Variants in GRID1 observed in about 807,000 individuals in gnomAD.
GRID1 encodes glutamate receptor ionotropic, delta-1.
In GRID1, 28 loss-of-function variants were observed where a neutral mutation model predicts 98.0. The ratio of observed to expected loss-of-function variants is 0.29; its 90% CI spans 0.21 to 0.39. The LOEUF is 0.39. GRID1 is among the 10% of genes least tolerant of loss of function. The pLI is 1.00. For missense variants in GRID1, 1,111 were observed against 1,340.5 expected (o/e 0.83, Z 2.67); for synonymous variants, 553 against 538.5 (o/e 1.03, Z -0.37).
chr10:86,033,521 C>T (rs74390043), intron 4 of GRID1, among the ~76,000 whole-genome samples: 3,278 of 152,288 alleles, frequency 0.022, 99 homozygotes, highest in African/African-American at 0.064. Context: ...TCAAACTCTG[C>T]AGGGAGACCA....
At position 86,000,512 on chromosome 10, in the gene GRID1, A is replaced by G. The variant is rs533915136; in HGVS notation, c.727-84273T>C. 5.3e-5 allele frequency among the ~76,000 whole-genome samples: 8 copies of G among 152,350 alleles called. No homozygotes were observed. The South Asian group carries it at 1.7e-3, about 32-fold the overall frequency. On this transcript the variant is annotated intron_variant, in intron 4 of 15. Coordinates refer to ENST00000327946, the MANE Select transcript of GRID1 (RefSeq NM_017551.3). ...ATCAGTTGAAGAAATCACTCTAATC[A>G]ATTTTCAGACTCACCATAAGTTATG...
chr10:85,883,142 T>C (rs768500460), intron 5 of GRID1, among the ~76,000 whole-genome samples: 25 of 152,180 alleles, frequency 1.6e-4, no homozygotes, highest in Non-Finnish European at 3.4e-4. Context: ...CTAGGCCTCA[T>C]TCTAAACAAT....
intron 3 of GRID1, among the ~76,000 whole-genome samples, chr10:86,157,773 G>A (rs547152767): frequency 5.3e-5 from 8 of 152,272 alleles, no homozygotes; most frequent in East Asian, 1.9e-4. Flanking sequence ...AATTATAAAC[G>A]CAAGTTGACA....
rs140685054 is a variant in GRID1 at position 86,129,109 on chromosome 10, G to T, written c.726+9710C>A. Among the ~76,000 whole-genome samples the T allele has an allele frequency of 4.2e-3, 634 of 152,304 alleles. 9 individuals are homozygous for T. The highest frequency in any genetic ancestry group is 0.015 in the African/African-American group (616 of 41,556). On this transcript the variant is annotated intron_variant, in intron 4 of 15. Transcript: ENST00000327946. ...CAGACTCTCGGGTGCCTGGGAGGTT[G>T]TAGAAACTGCTCTTCTAGTTGACCA...
chr10:86,179,366 C>T (rs1166391758), intron 3 of GRID1, among the ~76,000 whole-genome samples: 1 of 152,044 alleles, frequency 6.6e-6, no homozygotes, highest in Non-Finnish European at 1.5e-5. Context: ...TTTACTCATT[C>T]AAATTTCTCT....
chr10:86,176,556 G>A (rs771668726), intron 3 of GRID1, among the ~76,000 whole-genome samples: 25 of 152,158 alleles, frequency 1.6e-4, no homozygotes, highest in African/African-American at 2.7e-4. Context: ...GTGAGAAGAC[G>A]AGGAGATGAT....
intron 4 of GRID1, among the ~76,000 whole-genome samples, chr10:86,026,184 G>T (rs907734965): frequency 1.2e-4 from 19 of 152,088 alleles, no homozygotes; most frequent in Admixed American, 6.5e-5. Context: ...TATTTGTTTG[G>T]GATATAAGCG....
chr10:85,669,278 G>T (rs1449095955), intron 12 of GRID1, among the ~76,000 whole-genome samples: 1 of 152,214 alleles, frequency 6.6e-6, no homozygotes, highest in East Asian at 1.9e-4. Flanking sequence ...TTATTGAGGG[G>T]CCCCCATGAG....
intron 2 of GRID1, among the ~76,000 whole-genome samples, chr10:86,260,740 T>C (rs2132054825): frequency 6.6e-6 from 1 of 152,276 alleles, no homozygotes; most frequent in East Asian, 1.9e-4. Context: ...ATAACCATGA[T>C]AACAGACACG....
chr10:85,967,251 G>A (rs1842349476), intron 4 of GRID1, among the ~76,000 whole-genome samples: 1 of 152,006 alleles, frequency 6.6e-6, no homozygotes, highest in Non-Finnish European at 1.5e-5. Flanking sequence ...AACTAATACA[G>A]ATACACACTA....
intron 3 of GRID1, among the ~76,000 whole-genome samples, chr10:86,139,693 AC>A (rs1844983774): frequency 6.6e-6 from 1 of 152,170 alleles, no homozygotes; most frequent in Non-Finnish European, 1.5e-5. Context: ...CCACATCCTG[AC>A]TGGATCAGGG....
chr10:85,797,609 ATTTT>A (rs746153179), intron 8 of GRID1, among the ~76,000 whole-genome samples: 2 of 118,026 alleles, frequency 1.7e-5, no homozygotes, highest in East Asian at 2.4e-4. Context: ...CTAAATCTGT[ATTTT>A]TTTTTTTTTT....
chr10:86,274,845 T>C, intron 2 of GRID1, among the ~76,000 whole-genome samples: 1 of 151,802 alleles, frequency 6.6e-6, no homozygotes, highest in Non-Finnish European at 1.5e-5. Flanking sequence ...TATACAATCA[T>C]GTCATCTGCA....
At chr10:86,106,353 T>C (rs1844386278) in intron 4 of GRID1, among the ~76,000 whole-genome samples, 1 of 152,076 alleles carries the variant, frequency 6.6e-6, no homozygotes, top group South Asian at 2.1e-4. Flanking sequence ...GAAATGTTTA[T>C]CCCAGGATGT....
chr10:86,150,671 T>C (rs1845154116), intron 3 of GRID1, among the ~76,000 whole-genome samples: 1 of 152,166 alleles, frequency 6.6e-6, no homozygotes, highest in Non-Finnish European at 1.5e-5. Context: ...CCAAAATTCA[T>C]GTGTTAAAAT....
chr10:86,129,453 T>A (rs758606059), intron 4 of GRID1, among the ~76,000 whole-genome samples: 1 of 152,178 alleles, frequency 6.6e-6, no homozygotes, highest in Non-Finnish European at 1.5e-5. Flanking sequence ...TTTTAGACCA[T>A]GAGCAAACCC....
At chr10:86,100,504 TATA>T (rs943058496) in intron 4 of GRID1, among the ~76,000 whole-genome samples, 1 of 152,088 alleles carries the variant, frequency 6.6e-6, no homozygotes, top group African/African-American at 2.4e-5. Flanking sequence ...CAATGAAATG[TATA>T]ATAAGTTATA....
At chr10:85,729,292 TC>T (rs1841796894) in intron 9 of GRID1, among the ~76,000 whole-genome samples, 1 of 152,164 alleles carries the variant, frequency 6.6e-6, no homozygotes, top group African/African-American at 2.4e-5. Flanking sequence ...CTAGAGCAGC[TC>T]AGGGACTTCC....
At chr10:86,210,458 T>C (rs1281493551) in intron 2 of GRID1, among the ~76,000 whole-genome samples, 1 of 152,196 alleles carries the variant, frequency 6.6e-6, no homozygotes, top group Non-Finnish European at 1.5e-5. Context: ...AGGACGCTGA[T>C]AGCAAGTGCC....
Sources: allele counts gnomAD v4.1 joint callset (sites outside exome capture counted in the v4.1 genomes callset), GRCh38; gene constraint gnomAD v4.1.1; transcripts MANE v1.5; gene names NCBI Gene and HGNC (gene_info 2026-07-23, HGNC 2026-07-21).